Variants in VEPH1 observed in about 807,000 individuals in gnomAD.
VEPH1 encodes ventricular zone-expressed PH domain-containing protein homolog 1.
A neutral mutation model predicts 85.2 loss-of-function variants in VEPH1; 80 were observed. The observed-to-expected ratio is 0.94, with a 90% CI of 0.78 to 1.13. The LOEUF (loss-of-function observed/expected upper bound fraction) is 1.13, where lower values mean the gene tolerates loss of function less well. VEPH1 is among the 50% of genes most tolerant of loss of function. VEPH1 has a pLI of 0.00. For missense variants in VEPH1, 955 were observed against 980.5 expected (o/e 0.97, Z 0.35); for synonymous variants, 297 against 348.0 (o/e 0.85, Z 1.63).
At chr3:157,313,980 T>C (rs889890600) in intron 10 of VEPH1, among the ~76,000 whole-genome samples, 13 of 151,960 alleles carry the variant, frequency 8.6e-5, no homozygotes, top group African/African-American at 2.7e-4. Context: ...GAGGATCGCT[T>C]GAGACCAGGA....
At chr3:157,289,173 C>G (rs1403107) in intron 11 of VEPH1, among the ~76,000 whole-genome samples, 94,119 of 152,054 alleles carry the variant, frequency 0.62, 29,298 homozygotes, top group Admixed American at 0.67. Context: ...TTGCCATGCA[C>G]ATTACTTCTC....
At chr3:157,285,470 C>T (rs565444912) in intron 12 of VEPH1, among the ~76,000 whole-genome samples, 1 of 152,320 alleles carries the variant, frequency 6.6e-6, no homozygotes, top group East Asian at 1.9e-4. Context: ...AGACTTGCCA[C>T]AATGGGTAAT....
chr3:157,474,506 T>C (rs568174095), intron 2 of VEPH1, among the ~76,000 whole-genome samples: 8 of 152,246 alleles, frequency 5.3e-5, no homozygotes, highest in Non-Finnish European at 1.2e-4. Flanking sequence ...TCTCTTTCTG[T>C]AACTTTCTAG....
rs575854736 is a variant in VEPH1 at position 157,452,511 on chromosome 3, G to A, written c.529+7670C>T. Among the ~76,000 whole-genome samples the A allele has an allele frequency of 3.9e-5, 6 of 152,300 alleles. No individual in the cohort carries two copies. The South Asian group carries it at 1.2e-3, about 32-fold the overall frequency. ...ACTCAATTTTGTCCAGAGATAAAGTGGGTTGTCACAGGAAACAGTGAGTGA... is the reference window on the plus strand; with the variant it reads ...ACTCAATTTTGTCCAGAGATAAAGTAGGTTGTCACAGGAAACAGTGAGTGA... On this transcript the variant is annotated intron_variant, in intron 4 of 13. Coordinates refer to ENST00000362010, the MANE Select transcript of VEPH1 (RefSeq NM_001167912.2).
intron 13 of VEPH1, among the ~76,000 whole-genome samples, chr3:157,261,707 A>C (rs1208617836): frequency 6.6e-6 from 1 of 152,184 alleles, no homozygotes; most frequent in Non-Finnish European, 1.5e-5. Context: ...CTATTAACTT[A>C]TAACTTCAGG....
chr3:157,446,773 C>A (rs571488956), intron 4 of VEPH1, among the ~76,000 whole-genome samples: 1 of 152,118 alleles, frequency 6.6e-6, no homozygotes, highest in Admixed American at 6.5e-5. Flanking sequence ...ACACTCCTAT[C>A]GTTGATCCTT....
At chr3:157,367,323 A>C (rs1726819950) in intron 7 of VEPH1, among the ~76,000 whole-genome samples, 1 of 152,200 alleles carries the variant, frequency 6.6e-6, no homozygotes, top group Non-Finnish European at 1.5e-5. Context: ...TTATAGCCAG[A>C]AGATTCTAAA....
chr3:157,413,478 T>C (rs1731673659), intron 6 of VEPH1: 27 of 985,254 alleles, frequency 2.7e-5, no homozygotes, highest in Non-Finnish European at 3.3e-5. Context: ...TAAGAGAAAT[T>C]GCAACCTGAA....
chr3:157,495,827 A>T (rs934461517), intron 1 of VEPH1, among the ~76,000 whole-genome samples: 1 of 152,210 alleles, frequency 6.6e-6, no homozygotes, highest in South Asian at 2.1e-4. Flanking sequence ...AACACTTGCC[A>T]GATTTTCCTC....
intron 9 of VEPH1, among the ~76,000 whole-genome samples, chr3:157,356,862 C>A (rs1030697054): frequency 6.6e-6 from 1 of 152,146 alleles, no homozygotes; most frequent in Non-Finnish European, 1.5e-5. Flanking sequence ...TGGGGACTGT[C>A]AGGGGCTCAG....
At chr3:157,500,528 G>C (rs1740019732) in intron 1 of VEPH1, among the ~76,000 whole-genome samples, 1 of 152,168 alleles carries the variant, frequency 6.6e-6, no homozygotes, top group South Asian at 2.1e-4. Flanking sequence ...CACATTTGGA[G>C]AACTATCCCC....
intron 9 of VEPH1, among the ~76,000 whole-genome samples, chr3:157,326,378 T>G (rs1373009502): frequency 6.6e-6 from 1 of 152,186 alleles, no homozygotes; most frequent in Non-Finnish European, 1.5e-5. Context: ...TATTCAACAG[T>G]TATAGGAGTA....
chr3:157,455,585 C>T (rs925226756), intron 4 of VEPH1, among the ~76,000 whole-genome samples: 3 of 152,090 alleles, frequency 2.0e-5, no homozygotes, highest in African/African-American at 7.2e-5. Flanking sequence ...CCACCCTTCA[C>T]CCTCCAATAG....
chr3:157,438,020 A>AGG, intron 4 of VEPH1: 1 of 836,440 alleles, frequency 1.2e-6, no homozygotes, highest in Non-Finnish European at 1.7e-6. Flanking sequence ...TTTCATGGGA[A>AGG]GCGCGCGCGC....
At chr3:157,406,993 CA>C (rs111501334) in intron 6 of VEPH1, among the ~76,000 whole-genome samples, 11,618 of 120,460 alleles carry the variant, frequency 0.096, 537 homozygotes, top group African/African-American at 0.15. Context: ...GTTGGCCTCC[CA>C]AAAAAAAAAA....
At chr3:157,343,643 T>G (rs953584079) in intron 9 of VEPH1, among the ~76,000 whole-genome samples, 2 of 151,958 alleles carry the variant, frequency 1.3e-5, no homozygotes, top group African/African-American at 4.8e-5. Flanking sequence ...TTCCAATCAA[T>G]AGAAAAAGAG....
intron 7 of VEPH1, among the ~76,000 whole-genome samples, chr3:157,368,338 G>A (rs1416297638): frequency 6.6e-6 from 1 of 152,154 alleles, no homozygotes; most frequent in African/African-American, 2.4e-5. Flanking sequence ...TGTTCAAGTT[G>A]CTTTATAGCA....
In VEPH1 at chr3:157,271,327, A is replaced by G. The variant is rs185983102; in HGVS notation, c.2129-5665T>C. Among the ~76,000 whole-genome samples the G allele has an allele frequency of 2.0e-5, 3 of 152,308 alleles. No homozygotes were observed. In the East Asian group the frequency reaches 5.8e-4, roughly 29 times the overall value. On this transcript the variant is annotated intron_variant, in intron 12 of 13. Coordinates refer to ENST00000362010, the MANE Select transcript of VEPH1 (RefSeq NM_001167912.2). ...TCATGGGCCCCAGATGGGATCAATGATGTGTCAGGCAGGGTCTTGGCAGGA... is the reference window on the plus strand; with the variant it reads ...TCATGGGCCCCAGATGGGATCAATGGTGTGTCAGGCAGGGTCTTGGCAGGA...
intron 12 of VEPH1, among the ~76,000 whole-genome samples, chr3:157,267,911 G>C (rs1169514963): frequency 2.6e-5 from 4 of 152,158 alleles, no homozygotes; most frequent in Non-Finnish European, 5.9e-5. Context: ...TCAGGAAAGA[G>C]CTTGGATGTT....
Sources: gnomAD v4.1 joint callset for allele counts (sites outside exome capture counted in the v4.1 genomes callset) on GRCh38, gnomAD v4.1.1 for gene constraint, MANE v1.5 for transcripts, NCBI Gene and HGNC (gene_info 2026-07-23, HGNC 2026-07-21) for gene names.